The following DMD variants were observed in gnomAD, a reference collection of about 807,000 sequenced individuals.
DMD encodes mutant dystrophin.
DMD carries 63 observed loss-of-function variants against 330.1 expected under a neutral mutation model. The ratio of observed to expected loss-of-function variants is 0.19; its 90% CI spans 0.16 to 0.24. DMD has a LOEUF of 0.24. DMD is among the 10% of genes least tolerant of loss of function. The probability of loss-of-function intolerance (pLI) is 1.00; values close to 1 mark genes in which losing one functional copy is unlikely to be tolerated. For missense variants in DMD, 3,344 were observed against 2,684.1 expected, an observed-to-expected ratio of 1.25 and a Z score of -5.43; for synonymous variants, 1,223 against 959.8, an observed-to-expected ratio of 1.27 and a Z score of -5.07.
chrX:32,308,513 T>C (rs982763938), intron 42 of DMD, among the ~76,000 whole-genome samples: 1 of 111,250 alleles, frequency 9.0e-6, no homozygotes, highest in Non-Finnish European at 1.9e-5. Context: ...AGGAAGCCCA[T>C]TCACCTGCTG....
At chrX:32,771,427 A>AT (rs1361819720) in intron 7 of DMD, among the ~76,000 whole-genome samples, 1 of 110,807 alleles carries the variant, frequency 9.0e-6, no homozygotes, top group Admixed American at 9.6e-5. Flanking sequence ...AACTAAGTAG[A>AT]TTTCTAAAGT....
chrX:32,600,414 C>G (rs1051763681), intron 12 of DMD, among the ~76,000 whole-genome samples: 14 of 110,458 alleles, frequency 1.3e-4, no homozygotes, highest in African/African-American at 4.6e-4. Flanking sequence ...ATGGGAGAAG[C>G]TTTTGTTTTA....
At chrX:32,846,910 G>A (rs1449178333) in intron 3 of DMD, among the ~76,000 whole-genome samples, 1 of 108,991 alleles carries the variant, frequency 9.2e-6, no homozygotes, top group Non-Finnish European at 1.9e-5. Flanking sequence ...GGGAGGCCGA[G>A]GCAGGAAAAT....
At chrX:32,385,565 AG>A (rs1460355315) in intron 33 of DMD, among the ~76,000 whole-genome samples, 2 of 111,002 alleles carry the variant, frequency 1.8e-5, no homozygotes, top group African/African-American at 6.5e-5. Context: ...CAACCTAAAA[AG>A]CTTCTGCTCA....
intron 27 of DMD, among the ~76,000 whole-genome samples, chrX:32,447,667 T>A (rs773273725): frequency 3.2e-4 from 36 of 111,835 alleles, no homozygotes; most frequent in African/African-American, 1.2e-3. Context: ...TTCACCAAAA[T>A]AACTCAGTCT....
At chrX:31,668,677 G>A (rs988609667) in intron 53 of DMD, among the ~76,000 whole-genome samples, 3 of 110,472 alleles carry the variant, frequency 2.7e-5, no homozygotes, top group African/African-American at 9.9e-5. Context: ...ATTAACTATG[G>A]TCACCAGGTT....
At chrX:33,218,089 C>T (rs1323105929) in intron 1 of DMD, among the ~76,000 whole-genome samples, 3 of 111,168 alleles carry the variant, frequency 2.7e-5, no homozygotes, top group Non-Finnish European at 5.7e-5. Context: ...TATTCTTTTC[C>T]AAGTTGAGGA....
intron 37 of DMD, among the ~76,000 whole-genome samples, chrX:32,355,545 C>G (rs1359480720): frequency 9.0e-6 from 1 of 111,685 alleles, no homozygotes; most frequent in Non-Finnish European, 1.9e-5. Flanking sequence ...CACTGCTCAC[C>G]AAACTCAATT....
At chrX:31,448,011 CAAAAAAAA>C (rs1198070119) in intron 59 of DMD, among the ~76,000 whole-genome samples, 2 of 35,300 alleles carry the variant, frequency 5.7e-5, no homozygotes, top group African/African-American at 9.1e-5. Context: ...ACTCTGTCTC[CAAAAAAAA>C]AAAAAAAAAA....
At chrX:32,775,702 T>C (rs1279295391) in intron 7 of DMD, among the ~76,000 whole-genome samples, 5 of 113,058 alleles carry the variant, frequency 4.4e-5, no homozygotes, top group Non-Finnish European at 9.4e-5. Context: ...CATTTTTCCC[T>C]TCTAGGCCTC....
At chrX:32,758,624 A>C (rs2071812810) in intron 7 of DMD, among the ~76,000 whole-genome samples, 1 of 111,572 alleles carries the variant, frequency 9.0e-6, no homozygotes, top group African/African-American at 3.3e-5. Context: ...AGTGGTCATA[A>C]AGGCAAGAAT....
chrX:32,424,824 A>T (rs759154197), intron 29 of DMD, among the ~76,000 whole-genome samples: 1 of 110,786 alleles, frequency 9.0e-6, no homozygotes, highest in Non-Finnish European at 1.9e-5. Flanking sequence ...TGAAATTCAC[A>T]TTTGACATAC....
At chrX:32,702,977 C>T (rs937669205) in intron 7 of DMD, among the ~76,000 whole-genome samples, 2 of 111,525 alleles carry the variant, frequency 1.8e-5, no homozygotes, top group African/African-American at 3.3e-5. Context: ...AAGTTTCAAT[C>T]TACCCTATTT....
At chrX:32,332,451 G>A (rs748102358) in intron 41 of DMD, among the ~76,000 whole-genome samples, 77 of 68,289 alleles carry the variant, frequency 1.1e-3, no homozygotes, top group Admixed American at 0.011. Context: ...TGTGGTGTAT[G>A]TGCACACATG....
chrX:31,966,019 C>T (rs1167595483), intron 45 of DMD, among the ~76,000 whole-genome samples: 1 of 111,528 alleles, frequency 9.0e-6, no homozygotes, highest in Non-Finnish European at 1.9e-5. Flanking sequence ...TGAATTTATA[C>T]ACTTTCTTTC....
chrX:32,334,020 G>A (rs748878455), intron 41 of DMD, among the ~76,000 whole-genome samples: 22 of 111,159 alleles, frequency 2.0e-4, no homozygotes, highest in Non-Finnish European at 3.0e-4. Context: ...AAGTCAGTCT[G>A]TCATCTTTCT....
At chrX:32,664,238 GTTTTTTTTTTT>G (rs59135933) in intron 9 of DMD, among the ~76,000 whole-genome samples, 4 of 86,862 alleles carry the variant, frequency 4.6e-5, no homozygotes, top group African/African-American at 1.8e-4. Flanking sequence ...CCTGGCATAG[GTTTTTTTTTTT>G]TTTTTTTTTT....
chrX:32,873,789 T>C (rs2083178461), intron 2 of DMD, among the ~76,000 whole-genome samples: 1 of 112,305 alleles, frequency 8.9e-6, no homozygotes, highest in Admixed American at 9.4e-5. Context: ...TATGTATAAT[T>C]GCCATCAAAT....
intron 12 of DMD, among the ~76,000 whole-genome samples, chrX:32,606,976 G>T (rs2056771932): frequency 9.2e-6 from 1 of 109,195 alleles, no homozygotes; most frequent in Non-Finnish European, 1.9e-5. Context: ...ATATAAACTG[G>T]AAACTACAAA....
Sources: gnomAD v4.1 joint callset for allele counts (sites outside exome capture counted in the v4.1 genomes callset) on GRCh38, gnomAD v4.1.1 for gene constraint, MANE v1.5 for transcripts, NCBI Gene and HGNC (gene_info 2026-07-23, HGNC 2026-07-21) for gene names.